MAP7D2: variants seen among roughly 807,000 people sequenced by gnomAD.
The protein encoded by MAP7D2 is MAP7 domain containing 2, also known as MAP7 domain-containing protein 2.
Under a neutral mutation model 63.5 loss-of-function variants are expected in MAP7D2, and 33 were observed. The observed-to-expected ratio is 0.52, with a 90% CI of 0.39 to 0.70. The LOEUF (loss-of-function observed/expected upper bound fraction) is 0.70, where lower values mean the gene tolerates loss of function less well. Among genes scored for constraint, MAP7D2 ranks in the 30% least tolerant of loss-of-function variants. The probability of loss-of-function intolerance (pLI) is 0.00; values close to 1 mark genes in which losing one functional copy is unlikely to be tolerated. For synonymous variants in MAP7D2, 224 were observed against 223.7 expected (o/e 1.00, Z -0.01); for missense variants, 626 against 604.0 (o/e 1.04, Z -0.38).
chrX:20,066,026 C>T (rs758410128), intron 1 of MAP7D2, among the ~76,000 whole-genome samples: 1 of 108,957 alleles, frequency 9.2e-6, no homozygotes, highest in East Asian at 2.9e-4. Flanking sequence ...GGGTTCACGC[C>T]ATTCTCCTGC....
intron 1 of MAP7D2, among the ~76,000 whole-genome samples, chrX:20,084,749 A>T (rs1204432162): frequency 9.1e-6 from 1 of 109,851 alleles, no homozygotes; most frequent in Non-Finnish European, 1.9e-5. Context: ...TTGAATTTTT[A>T]ATAGAGATGG....
chrX:20,073,500 G>A (rs1045755655), intron 1 of MAP7D2, among the ~76,000 whole-genome samples: 8 of 109,327 alleles, frequency 7.3e-5, no homozygotes, highest in Admixed American at 6.8e-4. Context: ...AAATGTTGCT[G>A]GCCATTATTT....
chrX:20,055,545 T>C (rs2065048759), intron 4 of MAP7D2, among the ~76,000 whole-genome samples: 1 of 111,776 alleles, frequency 8.9e-6, no homozygotes, highest in Admixed American at 9.5e-5. Context: ...ATGTAAGGCA[T>C]GCACCGCTCT....
intron 1 of MAP7D2, among the ~76,000 whole-genome samples, chrX:20,082,790 G>A (rs1314380622): frequency 1.8e-5 from 2 of 111,238 alleles, no homozygotes; most frequent in African/African-American, 3.3e-5. Flanking sequence ...CACCACACCC[G>A]GCTAATGTTT....
chrX:20,046,952 C>T (rs914364024), intron 6 of MAP7D2, among the ~76,000 whole-genome samples: 32 of 112,860 alleles, frequency 2.8e-4, no homozygotes, highest in African/African-American at 1.0e-3. Flanking sequence ...CTCCTGGAAG[C>T]GCTCTCCTTC....
chrX:20,038,158 A>C (rs2064549112), intron 8 of MAP7D2, among the ~76,000 whole-genome samples: 1 of 111,987 alleles, frequency 8.9e-6, no homozygotes, highest in South Asian at 3.7e-4. Flanking sequence ...GACCTCTTCC[A>C]TCATGAAAAG....
intron 1 of MAP7D2, among the ~76,000 whole-genome samples, chrX:20,086,039 A>T (rs1020640739): frequency 5.3e-5 from 6 of 112,398 alleles, no homozygotes; most frequent in Admixed American, 9.4e-5. Flanking sequence ...GTGATCATTC[A>T]AGCTGGTAAC....
intron 1 of MAP7D2, among the ~76,000 whole-genome samples, chrX:20,106,815 T>TA (rs1242296396): frequency 1.8e-5 from 2 of 108,415 alleles, no homozygotes; most frequent in Admixed American, 9.8e-5. Flanking sequence ...TGTCTCTATT[T>TA]AAAAAAAAAA....
chrX:20,088,422 G>A (rs1374660184), intron 1 of MAP7D2, among the ~76,000 whole-genome samples: 1 of 98,194 alleles, frequency 1.0e-5, no homozygotes, highest in African/African-American at 3.6e-5. Flanking sequence ...AGCCTCCCTG[G>A]TAACTGGGAC....
chrX:20,113,603 G>A (rs890231260), intron 1 of MAP7D2, among the ~76,000 whole-genome samples: 1 of 111,972 alleles, frequency 8.9e-6, no homozygotes, highest in Non-Finnish European at 1.9e-5. Context: ...CTTTGAAAAA[G>A]GATGAAGAAC....
chrX:20,049,122 GATA>G (rs2148309765), intron 6 of MAP7D2, among the ~76,000 whole-genome samples: 2 of 109,849 alleles, frequency 1.8e-5, no homozygotes, highest in East Asian at 5.7e-4. Flanking sequence ...TCCAGTCTCT[GATA>G]ACCACCATCT....
intron 8 of MAP7D2, among the ~76,000 whole-genome samples, chrX:20,027,263 G>A (rs1165155303): frequency 8.9e-6 from 1 of 112,339 alleles, no homozygotes; most frequent in African/African-American, 3.2e-5. Flanking sequence ...TCTGGCCTTG[G>A]GCTCAGGCCC....
At chrX:20,066,358 C>T (rs1021508059) in intron 1 of MAP7D2, among the ~76,000 whole-genome samples, 4 of 111,686 alleles carry the variant, frequency 3.6e-5, no homozygotes, top group African/African-American at 1.3e-4. Context: ...AGGAGGGAGG[C>T]CTGAAGGCCT....
intron 1 of MAP7D2, among the ~76,000 whole-genome samples, chrX:20,106,959 G>A (rs1339490620): frequency 2.8e-5 from 3 of 108,503 alleles, no homozygotes; most frequent in African/African-American, 1.0e-4. Flanking sequence ...TCCAACCTGG[G>A]CAACAGCGCG....
intron 10 of MAP7D2, 40 bp from the exon 11 acceptor site, chrX:20,016,365 G>A (rs2073391841): frequency 8.8e-7 from 1 of 1,138,406 alleles, no homozygotes; most frequent in South Asian, 1.8e-5. Flanking sequence ...TGACATGCTC[G>A]AAAAGCAAAC....
chrX:20,093,283 G>A lies in MAP7D2; in HGVS notation c.130+23467C>T, dbSNP rs189707906. On this transcript the variant is annotated intron_variant, in intron 1 of 16. Transcript: ENST00000379643. ...AACCTGCTAATATCAGAAGAGGGGA[G>A]GGAGGGAAGGGGAAAAGACAAAAAT... Among the ~76,000 whole-genome samples, 363 of 111,626 alleles carry A rather than the reference G, an allele frequency of 3.3e-3. 1 individual carries two copies. The highest frequency in any genetic ancestry group is 5.8e-3 in the Non-Finnish European group (307 of 53,130).
intron 6 of MAP7D2, among the ~76,000 whole-genome samples, chrX:20,046,174 A>G (rs1045448497): frequency 7.1e-5 from 8 of 112,209 alleles, no homozygotes; most frequent in African/African-American, 2.6e-4. Context: ...GGAGTTTTAA[A>G]AATCGAGTAG....
chrX:20,085,637 A>G, intron 1 of MAP7D2, among the ~76,000 whole-genome samples: 1 of 112,655 alleles, frequency 8.9e-6, no homozygotes, highest in Middle Eastern at 4.6e-3. Flanking sequence ...CACACAATAC[A>G]TAGCCAATAT....
intron 8 of MAP7D2, among the ~76,000 whole-genome samples, chrX:20,033,843 A>G (rs975685017): frequency 8.9e-6 from 1 of 112,455 alleles, no homozygotes; most frequent in African/African-American, 3.2e-5. Context: ...GTGTGGCATC[A>G]TTCTAAAAAT....
Sources: allele counts gnomAD v4.1 joint callset (sites outside exome capture counted in the v4.1 genomes callset), GRCh38; gene constraint gnomAD v4.1.1; transcripts MANE v1.5; gene names NCBI Gene and HGNC (gene_info 2026-07-23, HGNC 2026-07-21).